Variants in ROBO1 observed in about 807,000 individuals in gnomAD.
The protein encoded by ROBO1 is roundabout guidance receptor 1, also known as roundabout homolog 1.
ROBO1 carries 149 observed loss-of-function variants against 195.9 expected under a neutral mutation model. The observed-to-expected ratio is 0.76, with a 90% CI of 0.67 to 0.87. ROBO1 has a LOEUF of 0.87. Among genes scored for constraint, ROBO1 ranks in the 40% least tolerant of loss-of-function variants. The pLI is 0.00. For synonymous variants in ROBO1, 816 were observed against 733.2 expected, an observed-to-expected ratio of 1.11 and a Z score of -1.82; for missense variants, 1,933 against 2,068.3, an observed-to-expected ratio of 0.93 and a Z score of 1.27.
Position 79,589,896 on chromosome 3 carries a change from C to T in ROBO1, c.16G>A (p.Val6Ile), listed in dbSNP as rs376621654. Residue 6 changes from valine (V) to isoleucine (I), a missense_variant, in exon 2 of 31, where the codon GTT becomes ATT. Physicochemically the swap from Val to Ile is conservative, Grantham distance 29. Transcript: ENST00000464233. MKWKH[V>I]PFLVMISLLS... is the part of the protein sequence containing the mutation. ...AGTGATATCATGACCAAAAAAGGAA[C>T]ATGTTTCCATTTCATCTTTGTCCCT... 40 of 1,610,250 alleles carry T rather than the reference C, an allele frequency of 2.5e-5. No individual in the cohort carries two copies. Among genetic ancestry groups the T allele is most frequent in the East Asian group, 4.5e-5 (2 of 44,770 alleles).
intron 4 of ROBO1, among the ~76,000 whole-genome samples, chr3:78,896,665 A>C (rs900380376): frequency 4.6e-5 from 7 of 151,166 alleles, no homozygotes; most frequent in Non-Finnish European, 8.9e-5. Flanking sequence ...TCACAAAAAA[A>C]AAAAAAAAAA....
chr3:79,453,809 C>T (rs994356674), intron 2 of ROBO1, among the ~76,000 whole-genome samples: 4 of 152,056 alleles, frequency 2.6e-5, no homozygotes, highest in African/African-American at 9.7e-5. Flanking sequence ...GGTAGCTGTC[C>T]AAGAGACTGC....
intron 4 of ROBO1, among the ~76,000 whole-genome samples, chr3:78,911,383 TG>T (rs1346632861): frequency 2.6e-5 from 4 of 151,958 alleles, no homozygotes; most frequent in African/African-American, 4.8e-5. Flanking sequence ...TGAATTTGAG[TG>T]GTTAAGTTTT....
In ROBO1 at chr3:78,685,870, T is replaced by C; in HGVS notation, c.1218A>G (p.Ser406=). 1.2e-6 allele frequency: 2 copies of C among 1,607,662 alleles called. No homozygotes were observed. Among genetic ancestry groups the C allele is most frequent in the Non-Finnish European group, 8.5e-7 (1 of 1,176,158 alleles). Residue 406 remains serine (S), a synonymous_variant, in exon 10 of 31, where the codon TCA becomes TCG. Transcript: ENST00000464233. ...TTGTGAGGTCGCCAGTCTGGGAGACTGAAAATCGGCTGGATGACTGTGGTG... is the reference window on the plus strand; with the variant it reads ...TTGTGAGGTCGCCAGTCTGGGAGACCGAAAATCGGCTGGATGACTGTGGTG... ...YQPPQSSSRF[S]VSQTGDLTIT...
At chr3:79,211,629 G>C (rs926155160) in intron 2 of ROBO1, among the ~76,000 whole-genome samples, 1 of 152,184 alleles carries the variant, frequency 6.6e-6, no homozygotes, top group African/African-American at 2.4e-5. Context: ...ATGCCTGGGG[G>C]ATGGACGTGT....
At chr3:79,460,543 T>C (rs1937596470) in intron 2 of ROBO1, among the ~76,000 whole-genome samples, 1 of 152,178 alleles carries the variant, frequency 6.6e-6, no homozygotes, top group Admixed American at 6.5e-5. Flanking sequence ...CAAGAGTATT[T>C]ATAGATCTGA....
At chr3:78,771,722 T>C (rs2083380468) in intron 4 of ROBO1, among the ~76,000 whole-genome samples, 1 of 152,184 alleles carries the variant, frequency 6.6e-6, no homozygotes, top group African/African-American at 2.4e-5. Flanking sequence ...TGTATACAAA[T>C]TTTTGTAAAA....
At chr3:79,455,796 T>C (rs1171788895) in intron 2 of ROBO1, among the ~76,000 whole-genome samples, 6 of 152,142 alleles carry the variant, frequency 3.9e-5, no homozygotes, top group Non-Finnish European at 7.4e-5. Context: ...TAAGTTGTAA[T>C]TATTAAAAAA....
At chr3:78,942,425 G>C (rs2040190357) in intron 3 of ROBO1, among the ~76,000 whole-genome samples, 1 of 152,068 alleles carries the variant, frequency 6.6e-6, no homozygotes, top group Non-Finnish European at 1.5e-5. Flanking sequence ...TTACAATATG[G>C]AGTAAAAGGA....
At chr3:78,871,696 C>A (rs2035555849) in intron 4 of ROBO1, among the ~76,000 whole-genome samples, 1 of 140,672 alleles carries the variant, frequency 7.1e-6, no homozygotes. Context: ...TTTCATAGCG[C>A]TCAGTACTAG....
intron 8 of ROBO1, among the ~76,000 whole-genome samples, chr3:78,697,831 A>G (rs1007230748): frequency 2.0e-5 from 3 of 152,192 alleles, no homozygotes; most frequent in African/African-American, 7.2e-5. Flanking sequence ...CTTAAGTATT[A>G]CAAACTCCTA....
At chr3:78,646,291 TCTTC>T in intron 20 of ROBO1, 101 bp from the exon 21 acceptor site, 19 of 1,070,416 alleles carry the variant, frequency 1.8e-5, no homozygotes, top group Non-Finnish European at 2.2e-5. Context: ...ATTCCTTCTG[TCTTC>T]CTAGACAGAA....
chr3:78,928,948 G>A (rs572590389), intron 4 of ROBO1, among the ~76,000 whole-genome samples: 14 of 152,146 alleles, frequency 9.2e-5, no homozygotes, highest in African/African-American at 3.1e-4. Flanking sequence ...GTACAGAGTC[G>A]GGGAGGGGGA....
chr3:79,090,952 A>G (rs1449921578), intron 3 of ROBO1, among the ~76,000 whole-genome samples: 1 of 152,190 alleles, frequency 6.6e-6, no homozygotes, highest in African/African-American at 2.4e-5. Context: ...TATAATAAGA[A>G]TAATCATAGT....
intron 3 of ROBO1, among the ~76,000 whole-genome samples, chr3:79,063,852 A>G (rs2078961583): frequency 6.6e-6 from 1 of 152,000 alleles, no homozygotes; most frequent in Admixed American, 6.6e-5. Flanking sequence ...AAAGACAGAC[A>G]TCACTTAATC....
intron 2 of ROBO1, among the ~76,000 whole-genome samples, chr3:79,444,682 CTT>C (rs1159544936): frequency 6.6e-6 from 1 of 151,756 alleles, no homozygotes; most frequent in Non-Finnish European, 1.5e-5. Context: ...TTGGTCCAAA[CTT>C]TATTTTTTTT....
At chr3:78,763,268 A>T (rs1461268890) in intron 4 of ROBO1, among the ~76,000 whole-genome samples, 1 of 152,156 alleles carries the variant, frequency 6.6e-6, no homozygotes, top group Non-Finnish European at 1.5e-5. Flanking sequence ...CATTTCTAGT[A>T]GGTTTTTTTC....
At position 78,898,551 on chromosome 3, in the gene ROBO1, C is replaced by A. The variant is rs570909218; in HGVS notation, c.499+40050G>T. On this transcript the variant is annotated intron_variant, in intron 4 of 30. Coordinates refer to ENST00000464233, the MANE Select transcript of ROBO1 (RefSeq NM_002941.4). ...TACAGGCGCCCACCACCATGCCCGGCTAATTTTTTTGTATTTTTCAGTAGA... is the reference window on the plus strand; with the variant it reads ...TACAGGCGCCCACCACCATGCCCGGATAATTTTTTTGTATTTTTCAGTAGA... Among the ~76,000 whole-genome samples, 122 of 151,666 alleles carry A rather than the reference C, an allele frequency of 8.0e-4. 1 individual carries two copies. Among genetic ancestry groups the A allele is most frequent in the Admixed American group, 1.1e-3 (17 of 15,230 alleles).
At chr3:78,945,845 C>A (rs1029562648) in intron 3 of ROBO1, among the ~76,000 whole-genome samples, 2 of 151,884 alleles carry the variant, frequency 1.3e-5, no homozygotes, top group Admixed American at 6.6e-5. Context: ...GAGCTGAAAA[C>A]CAAGGCACGA....
Sources: gnomAD v4.1 joint callset for allele counts (sites outside exome capture counted in the v4.1 genomes callset) on GRCh38, gnomAD v4.1.1 for gene constraint, MANE v1.5 for transcripts, NCBI Gene and HGNC (gene_info 2026-07-23, HGNC 2026-07-21) for gene names.